Variants in FGF13 observed in about 807,000 individuals in gnomAD.
FGF13 encodes fibroblast growth factor homologous factor 2.
In FGF13, 2 loss-of-function variants were observed where a neutral mutation model predicts 19.5. The observed-to-expected ratio is 0.10, with a 90% confidence interval of 0.04 to 0.32. The LOEUF is 0.32. FGF13 is among the 10% of genes least tolerant of loss of function. The probability of loss-of-function intolerance (pLI) is 1.00; values close to 1 mark genes in which losing one functional copy is unlikely to be tolerated. For synonymous variants in FGF13, 72 were observed against 76.9 expected (o/e 0.94, Z 0.33); for missense variants, 113 against 192.7 (o/e 0.59, Z 2.45).
chrX:138,697,772 T>C (rs1341990630), intron 3 of FGF13, among the ~76,000 whole-genome samples: 2 of 111,815 alleles, frequency 1.8e-5, no homozygotes, highest in Non-Finnish European at 3.8e-5. Context: ...CTGTTTCTAA[T>C]ATCTGTTATT....
chrX:139,178,010 C>T (rs1017638273), intron 1 of FGF13, among the ~76,000 whole-genome samples: 2 of 112,187 alleles, frequency 1.8e-5, no homozygotes, highest in African/African-American at 6.5e-5. Flanking sequence ...TGACGTCCCA[C>T]CCTGCTTCAG....
At chrX:138,723,793 G>T (rs1302850605) in intron 1 of FGF13, among the ~76,000 whole-genome samples, 1 of 111,816 alleles carries the variant, frequency 8.9e-6, no homozygotes, top group African/African-American at 3.2e-5. Flanking sequence ...ATTTCATCTT[G>T]GGTACTCAGG....
At chrX:139,069,477 G>C (rs1254828619) in intron 1 of FGF13, among the ~76,000 whole-genome samples, 20 of 78,434 alleles carry the variant, frequency 2.5e-4, no homozygotes, top group African/African-American at 3.3e-4. Flanking sequence ...GTGGGGGGAG[G>C]GGGGAGGGAT....
chrX:139,010,960 G>C (rs1345054069), intron 1 of FGF13, among the ~76,000 whole-genome samples: 2 of 111,127 alleles, frequency 1.8e-5, no homozygotes, highest in African/African-American at 6.5e-5. Flanking sequence ...AATTACAAAA[G>C]AAACGGGAGA....
At chrX:138,993,765 T>C (rs1443762643) in intron 1 of FGF13, among the ~76,000 whole-genome samples, 1 of 111,798 alleles carries the variant, frequency 8.9e-6, no homozygotes, top group Non-Finnish European at 1.9e-5. Context: ...ATCTGTGAAA[T>C]TGAGATAATC....
chrX:139,182,689 A>C (rs990973441), intron 1 of FGF13, among the ~76,000 whole-genome samples: 42 of 111,815 alleles, frequency 3.8e-4, no homozygotes, highest in Admixed American at 1.4e-3. Flanking sequence ...TTAGAAACCA[A>C]GTATGTAGTT....
chrX:139,111,251 C>T (rs758931356), intron 1 of FGF13, among the ~76,000 whole-genome samples: 1 of 111,545 alleles, frequency 9.0e-6, no homozygotes, highest in South Asian at 3.8e-4. Context: ...CACAGCACGT[C>T]TGGCAAAGGT....
upstream of FGF13, among the ~76,000 whole-genome samples, chrX:138,739,988 C>T (rs1017883904): frequency 8.9e-6 from 1 of 112,038 alleles, no homozygotes; most frequent in African/African-American, 3.2e-5. Flanking sequence ...AAGAAACAGA[C>T]TATTTTAGCA....
chrX:138,803,273 G>C (rs983099983), intron 3 of FGF13, among the ~76,000 whole-genome samples: 2 of 112,081 alleles, frequency 1.8e-5, no homozygotes, highest in Non-Finnish European at 3.8e-5. Flanking sequence ...CTACATAATT[G>C]CTACTGCTGA....
At chrX:139,190,629 C>T (rs927280197) in intron 1 of FGF13, among the ~76,000 whole-genome samples, 13 of 111,525 alleles carry the variant, frequency 1.2e-4, no homozygotes, top group African/African-American at 4.2e-4. Context: ...GCCATTATAG[C>T]CTGTAATTAA....
intron 1 of FGF13, among the ~76,000 whole-genome samples, chrX:138,953,886 TAAAAAA>T (rs201116693): frequency 9.4e-6 from 1 of 106,054 alleles, no homozygotes; most frequent in African/African-American, 3.4e-5. Context: ...CAACATGTGG[TAAAAAA>T]AAAATAAATA....
At chrX:138,719,300 T>A (rs958936602) in intron 1 of FGF13, among the ~76,000 whole-genome samples, 1 of 112,074 alleles carries the variant, frequency 8.9e-6, no homozygotes, top group African/African-American at 3.2e-5. Context: ...ATACATATGA[T>A]CTATGCCTAG....
chrX:138,985,776 ATAT>A (rs2091992430), intron 1 of FGF13, among the ~76,000 whole-genome samples: 2 of 112,492 alleles, frequency 1.8e-5, no homozygotes, highest in South Asian at 3.7e-4. Context: ...GTAAATAAAA[ATAT>A]TATTTTCTCA....
At chrX:139,128,074 T>G (rs780172195) in intron 1 of FGF13, among the ~76,000 whole-genome samples, 1 of 110,534 alleles carries the variant, frequency 9.0e-6, no homozygotes, top group African/African-American at 3.3e-5. Context: ...CCCAGAAGCT[T>G]AAGAAACTCA....
intron 1 of FGF13, among the ~76,000 whole-genome samples, chrX:139,086,190 C>T (rs1445946955): frequency 2.7e-5 from 3 of 111,744 alleles, no homozygotes; most frequent in African/African-American, 9.8e-5. Flanking sequence ...CCCTTAGTCT[C>T]TAAGTCTCTC....
intron 1 of FGF13, among the ~76,000 whole-genome samples, chrX:139,033,633 G>T (rs1182225583): frequency 7.2e-5 from 8 of 111,738 alleles, no homozygotes; most frequent in African/African-American, 2.6e-4. Context: ...ATTGTACTGA[G>T]AAAAAAGCCA....
At chrX:138,764,848 T>A (rs1033048508) in intron 3 of FGF13, among the ~76,000 whole-genome samples, 2 of 112,203 alleles carry the variant, frequency 1.8e-5, no homozygotes, top group Admixed American at 1.9e-4. Flanking sequence ...TCCAATTAGG[T>A]GATGCATATA....
At chrX:138,949,521 C>T (rs1170224639) in intron 1 of FGF13, among the ~76,000 whole-genome samples, 1 of 111,493 alleles carries the variant, frequency 9.0e-6, no homozygotes, top group African/African-American at 3.3e-5. Flanking sequence ...TGGATTACAG[C>T]CCATTCTAAT....
intron 1 of FGF13, among the ~76,000 whole-genome samples, chrX:139,148,831 C>T (rs978759221): frequency 1.4e-4 from 16 of 110,848 alleles, no homozygotes; most frequent in Non-Finnish European, 2.6e-4. Context: ...CCTACCAGCT[C>T]ACAGAGGCTT....
Sources: allele counts gnomAD v4.1 joint callset (sites outside exome capture counted in the v4.1 genomes callset), GRCh38; gene constraint gnomAD v4.1.1; transcripts MANE v1.5; gene names NCBI Gene and HGNC (gene_info 2026-07-23, HGNC 2026-07-21).